AJAP1: variants seen among roughly 807,000 people sequenced by gnomAD.
The protein encoded by AJAP1 is adherens junctions associated protein 1.
Under a neutral mutation model 35.0 loss-of-function variants are expected in AJAP1, and 5 were observed. The ratio of observed to expected loss-of-function variants is 0.14; its 90% CI spans 0.07 to 0.30. AJAP1 has a LOEUF of 0.30. Ranked by LOEUF, AJAP1 falls within the 10% of genes least tolerant of loss-of-function variation. The probability of loss-of-function intolerance (pLI) is 1.00; values close to 1 mark genes in which losing one functional copy is unlikely to be tolerated. For synonymous variants in AJAP1, 284 were observed against 249.3 expected (o/e 1.14, Z -1.31); for missense variants, 586 against 571.0 (o/e 1.03, Z -0.27).
chr1:4,772,536 G>T lies in AJAP1; in HGVS notation c.1163+11G>T. On this transcript the variant is annotated intron_variant, in intron 4 of 5. Coordinates refer to ENST00000378191, the MANE Select transcript of AJAP1 (RefSeq NM_018836.4). The stretch of plus-strand genomic sequence containing the variant: ...ATTTAATGGAAACCGGTAAGCTCGG[G>T]CTCTGCTAGACCCTGCAGCTGTGAA... 6.2e-7 allele frequency: 1 copy of T among 1,613,234 alleles called. No individual in the cohort carries two copies. Among genetic ancestry groups the T allele is most frequent in the East Asian group, 2.2e-5 (1 of 44,864 alleles).
At chr1:4,768,427 G>T (rs558546963) in intron 2 of AJAP1, among the ~76,000 whole-genome samples, 1 of 152,234 alleles carries the variant, frequency 6.6e-6, no homozygotes, top group African/African-American at 2.4e-5. Flanking sequence ...TTCTGGCTGT[G>T]CCAATGTTTA....
chr1:4,704,545 C>A (rs1291159688), intron 1 of AJAP1, among the ~76,000 whole-genome samples: 1 of 152,130 alleles, frequency 6.6e-6, no homozygotes, highest in Non-Finnish European at 1.5e-5. Flanking sequence ...TTTTCTTAAT[C>A]TGGTCTATCA....
intron 2 of AJAP1, among the ~76,000 whole-genome samples, chr1:4,749,697 G>A (rs371933539): frequency 1.3e-5 from 2 of 152,238 alleles, no homozygotes; most frequent in African/African-American, 4.8e-5. Flanking sequence ...TAGGGGCAGC[G>A]GCCCTGTGTA....
At chr1:4,762,505 G>T (rs1326216192) in intron 2 of AJAP1, among the ~76,000 whole-genome samples, 1 of 152,240 alleles carries the variant, frequency 6.6e-6, no homozygotes, top group East Asian at 1.9e-4. Flanking sequence ...AAGGCCCAAG[G>T]GAGCTTCCCC....
intron 1 of AJAP1, among the ~76,000 whole-genome samples, chr1:4,709,263 T>C (rs1313467264): frequency 2.5e-5 from 2 of 81,154 alleles, no homozygotes; most frequent in African/African-American, 4.8e-5. Context: ...TGGGGCCTGA[T>C]GGGGGCCGGT....
intron 2 of AJAP1, among the ~76,000 whole-genome samples, chr1:4,729,950 A>T (rs1640761118): frequency 6.6e-6 from 1 of 152,162 alleles, no homozygotes; most frequent in Non-Finnish European, 1.5e-5. Context: ...GGAGGAAAAA[A>T]GTTCAGCCCC....
At chr1:4,696,900 G>C (rs536805035) in intron 1 of AJAP1, among the ~76,000 whole-genome samples, 7 of 151,944 alleles carry the variant, frequency 4.6e-5, no homozygotes, top group African/African-American at 1.7e-4. Flanking sequence ...GTGTGCATAT[G>C]ACTGTGTACA....
In AJAP1 at chr1:4,785,969, G is replaced by A. The variant is rs1346716961; in HGVS notation, c.*3484G>A. 6.6e-5 allele frequency: 10 copies of A among 152,316 alleles called. No homozygotes were observed. The South Asian group carries it at 8.3e-4, about 13-fold the overall frequency. 9.4% of individuals were successfully genotyped at this position (152,316 alleles called of 1,614,324 possible). On this transcript the variant is annotated 3_prime_UTR_variant, in exon 6 of 6. Transcript: ENST00000378191. ...ACAGTCCAGTCCGTTTTCAGACAAA[G>A]TCGCTGCTAGTCTTCACACGCTTGA... is the stretch of plus-strand genomic sequence containing the variant.
Position 4,784,493 on chromosome 1 carries a change from G to C in AJAP1, c.*2008G>C, listed in dbSNP as rs1301702488. The C allele has an allele frequency of 6.6e-6, 1 of 152,196 alleles. No individual in the cohort carries two copies. Among genetic ancestry groups the C allele is most frequent in the African/African-American group, 2.4e-5 (1 of 41,442 alleles). 9.4% of individuals were successfully genotyped at this position (152,196 alleles called of 1,614,324 possible). On this transcript the variant is annotated 3_prime_UTR_variant, in exon 6 of 6. Coordinates refer to ENST00000378191, the MANE Select transcript of AJAP1 (RefSeq NM_018836.4). ...ACAGCTGACCTTACTGCCCTCAATG[G>C]CCAGGCTGATGACCTGATTCTTCCC...
At position 4,769,870 on chromosome 1, in the gene AJAP1, A is replaced by G. The variant is rs1018435717; in HGVS notation, c.847A>G (p.Ile283Val). The G allele has an allele frequency of 8.7e-6, 14 of 1,613,674 alleles. No homozygotes were observed. Among genetic ancestry groups the G allele is most frequent in the Admixed American group, 1.7e-5 (1 of 59,992 alleles). The change falls in exon 3 of 6, where the codon ATC (isoleucine) becomes GTC (valine). Residue 283 changes from isoleucine (I) to valine (V), a missense_variant. By Grantham distance (29) the Ile-to-Val change is conservative. Coordinates refer to ENST00000378191, the MANE Select transcript of AJAP1 (RefSeq NM_018836.4). ...GEASGLAVHQ[I>V]ITITVSLIMV... ...CTTTCCAGGTCTGGCTGTCCATCAG[A>G]TCATCACCATCACCGTCTCCCTCAT...
chr1:4,735,023 C>T (rs777123191), intron 2 of AJAP1, among the ~76,000 whole-genome samples: 6 of 152,232 alleles, frequency 3.9e-5, no homozygotes, highest in Admixed American at 2.0e-4. Flanking sequence ...CCCTGGGAGC[C>T]GTCCTGCTTT....
intron 1 of AJAP1, among the ~76,000 whole-genome samples, chr1:4,674,774 C>G (rs1055383027): frequency 6.6e-6 from 1 of 152,240 alleles, no homozygotes; most frequent in African/African-American, 2.4e-5. Context: ...AGGCAGCATT[C>G]TGCTCTGCCT....
chr1:4,775,954 G>C (rs944360664), intron 5 of AJAP1, among the ~76,000 whole-genome samples: 1 of 152,220 alleles, frequency 6.6e-6, no homozygotes, highest in Non-Finnish European at 1.5e-5. Context: ...TGTAGTCCGC[G>C]ACCCGCCTGG....
chr1:4,755,834 A>T (rs115450733), intron 2 of AJAP1, among the ~76,000 whole-genome samples: 2,208 of 151,916 alleles, frequency 0.015, 50 homozygotes, highest in African/African-American at 0.051. Flanking sequence ...GGGATTAAAA[A>T]CGACTAGGAG....
chr1:4,710,313 A>G (rs780296435), intron 1 of AJAP1, among the ~76,000 whole-genome samples: 11 of 151,902 alleles, frequency 7.2e-5, no homozygotes, highest in Non-Finnish European at 1.3e-4. Context: ...ACACACAGAC[A>G]CCCTGGCCCT....
In AJAP1 at chr1:4,712,629, G is replaced by A. The variant is rs1640288877; in HGVS notation, c.759G>A (p.Thr253=). The A allele has an allele frequency of 6.3e-7, 1 of 1,574,888 alleles. No homozygotes were observed. The highest frequency in any genetic ancestry group is 8.7e-7 in the Non-Finnish European group (1 of 1,155,790). The change falls in exon 2 of 6, where the codon ACG becomes ACA. Residue 253 remains threonine (T), a synonymous_variant. Transcript: ENST00000378191. ...GGATCCCAGGTGGGGTTAGCACAAC[G>A]GAGCCTTCCACCAGTCCCAGCAACA... ...RRRIPGGVST[T]EPSTSPSNNG... is the part of the protein sequence containing the mutation.
intron 1 of AJAP1, among the ~76,000 whole-genome samples, chr1:4,701,506 C>A (rs1639989224): frequency 6.6e-6 from 1 of 152,214 alleles, no homozygotes; most frequent in Non-Finnish European, 1.5e-5. Flanking sequence ...TCCTCCCTTA[C>A]TGGGACTGGG....
rs953415236 is a variant in AJAP1, at chr1:4,776,935, C to T, written c.*59+2377C>T. Among the ~76,000 whole-genome samples, 6 of 152,198 alleles carry T rather than the reference C, an allele frequency of 3.9e-5. No individual in the cohort carries two copies. The East Asian group carries it at 5.8e-4, about 15-fold the overall frequency. On this transcript the variant is annotated intron_variant, in intron 5 of 5. Coordinates refer to ENST00000378191, the MANE Select transcript of AJAP1 (RefSeq NM_018836.4). ...AGCTGCGCTCAGCCTGGGAATCTGCCGACACGAAGCCACGGCCCACTCCTG... is the reference window on the plus strand; with the variant it reads ...AGCTGCGCTCAGCCTGGGAATCTGCTGACACGAAGCCACGGCCCACTCCTG...
At chr1:4,759,081 C>G (rs1312040286) in intron 2 of AJAP1, among the ~76,000 whole-genome samples, 2 of 152,218 alleles carry the variant, frequency 1.3e-5, no homozygotes, top group Admixed American at 1.3e-4. Flanking sequence ...CTGTCTGCAG[C>G]CACTGCAGGT....
Sources: allele counts gnomAD v4.1 joint callset (sites outside exome capture counted in the v4.1 genomes callset), GRCh38; gene constraint gnomAD v4.1.1; transcripts MANE v1.5; gene names NCBI Gene and HGNC (gene_info 2026-07-23, HGNC 2026-07-21).